Variants in MBNL2 observed in about 807,000 individuals in gnomAD.
MBNL2 encodes muscleblind-like protein 2.
A neutral mutation model predicts 41.9 loss-of-function variants in MBNL2; 17 were observed. That is an observed-to-expected ratio of 0.41 (90% CI 0.28 to 0.61). MBNL2 has a LOEUF of 0.61. MBNL2 is among the 20% of genes least tolerant of loss of function. MBNL2 has a pLI of 0.35. For synonymous variants in MBNL2, 195 were observed against 182.9 expected (o/e 1.07, Z -0.53); for missense variants, 336 against 505.6 (o/e 0.66, Z 3.22).
chr13:97,281,233 G>A (rs1421113227), intron 2 of MBNL2, among the ~76,000 whole-genome samples: 1 of 152,220 alleles, frequency 6.6e-6, no homozygotes, highest in Non-Finnish European at 1.5e-5. Context: ...TGCACTCTAG[G>A]GGTGCCTTTC....
intron 7 of MBNL2, among the ~76,000 whole-genome samples, chr13:97,364,360 T>G (rs966701908): frequency 1.3e-5 from 2 of 152,186 alleles, no homozygotes; most frequent in African/African-American, 4.8e-5. Flanking sequence ...GCCCCAACTC[T>G]GCACTATTTT....
intron 2 of MBNL2, among the ~76,000 whole-genome samples, chr13:97,281,196 G>T (rs909902146): frequency 1.3e-5 from 2 of 152,200 alleles, no homozygotes; most frequent in Non-Finnish European, 2.9e-5. Flanking sequence ...AGATAGGGCT[G>T]CTGGATTTGA....
At chr13:97,375,156 C>T (rs1280500998) in intron 8 of MBNL2, among the ~76,000 whole-genome samples, 3 of 152,174 alleles carry the variant, frequency 2.0e-5, no homozygotes, top group Admixed American at 2.0e-4. Flanking sequence ...TGCTGCCACA[C>T]GTCAAAGACA....
chr13:97,351,196 T>G (rs1217451650), intron 5 of MBNL2, among the ~76,000 whole-genome samples: 6 of 152,234 alleles, frequency 3.9e-5, no homozygotes, highest in Non-Finnish European at 2.9e-5. Context: ...TCTTTTTTTC[T>G]GAGCAGTAGG....
chr13:97,334,326 A>G lies in MBNL2; in HGVS notation c.225A>G (p.Leu75=), dbSNP rs372031328. 9.3e-6 allele frequency: 15 copies of G among 1,613,556 alleles called. No individual in the cohort carries two copies. In the African/African-American group the frequency reaches 2.0e-4, roughly 22 times the overall value. ...AGTATCTTCACCCTCCGACACACTT[A>G]AAAACTCAACTAGAAATTAATGGAA... ...NCKYLHPPTH[L]KTQLEINGRN... is the part of the protein sequence containing the mutation. The change falls in exon 3 of 9, where the codon TTA becomes TTG. Residue 75 remains leucine, a synonymous_variant. Coordinates refer to ENST00000679496, the MANE Select transcript of MBNL2 (RefSeq NM_001382683.1). This position sits in a 1 kb window ranked among gnomAD's most constrained non-coding sequence, Gnocchi z 5.3.
At chr13:97,354,907 C>T (rs1260267329) in intron 5 of MBNL2, among the ~76,000 whole-genome samples, 3 of 152,074 alleles carry the variant, frequency 2.0e-5, no homozygotes, top group Non-Finnish European at 2.9e-5. Context: ...TTTAACGATC[C>T]AGTTCATGTT....
chr13:97,151,760 G>A, the MBNL2 span, among the ~76,000 whole-genome samples: 2 of 152,162 alleles, frequency 1.3e-5, no homozygotes, highest in African/African-American at 2.4e-5. Flanking sequence ...TGATGCCCAT[G>A]TTTAAGCAGC....
chr13:97,314,931 G>C (rs569056447), intron 2 of MBNL2, among the ~76,000 whole-genome samples: 4 of 152,232 alleles, frequency 2.6e-5, no homozygotes, highest in Admixed American at 2.6e-4. Flanking sequence ...AGAATGATAT[G>C]AAATTCAGGG....
chr13:97,329,935 C>T (rs547016699), intron 2 of MBNL2, among the ~76,000 whole-genome samples: 1 of 152,292 alleles, frequency 6.6e-6, no homozygotes, highest in East Asian at 1.9e-4. Flanking sequence ...TCTCCTCTGA[C>T]CCCTGGTCTC....
At chr13:97,166,976 G>A in the MBNL2 span, among the ~76,000 whole-genome samples, 1 of 152,226 alleles carries the variant, frequency 6.6e-6, no homozygotes, top group African/African-American at 2.4e-5. Flanking sequence ...CCTGAAATTT[G>A]TACTACCCAG....
chr13:97,191,522 T>C, the MBNL2 span, among the ~76,000 whole-genome samples: 1 of 151,876 alleles, frequency 6.6e-6, no homozygotes, highest in African/African-American at 2.4e-5. Context: ...CCTGCGGCAG[T>C]TGTGTGAGGT....
chr13:97,147,426 A>G, the MBNL2 span, among the ~76,000 whole-genome samples: 2 of 152,278 alleles, frequency 1.3e-5, no homozygotes, highest in East Asian at 1.9e-4. Context: ...GTGTAAAGCA[A>G]TAGTCCACCA....
At chr13:97,238,864 G>GA (rs1336221374) in intron 1 of MBNL2, among the ~76,000 whole-genome samples, 2 of 152,092 alleles carry the variant, frequency 1.3e-5, no homozygotes, top group South Asian at 2.1e-4. Context: ...AGGCCACTGG[G>GA]AAAAAATGGT....
intron 8 of MBNL2, among the ~76,000 whole-genome samples, chr13:97,370,283 G>C (rs2064237283): frequency 6.6e-6 from 1 of 152,198 alleles, no homozygotes; most frequent in Non-Finnish European, 1.5e-5. Flanking sequence ...TGCCTTAGCA[G>C]CTCAAGCTAA....
chr13:97,193,472 G>A, the MBNL2 span, among the ~76,000 whole-genome samples: 2 of 152,190 alleles, frequency 1.3e-5, no homozygotes, highest in East Asian at 1.9e-4. Context: ...ACAATGTATG[G>A]GTTAAGAGCA....
intron 2 of MBNL2, among the ~76,000 whole-genome samples, chr13:97,322,855 A>C (rs1441584486): frequency 1.3e-5 from 2 of 152,278 alleles, no homozygotes; most frequent in Non-Finnish European, 2.9e-5. Flanking sequence ...GATATTCAAA[A>C]TATTTTACCA....
the MBNL2 span, among the ~76,000 whole-genome samples, chr13:97,144,872 G>A: frequency 1.3e-5 from 2 of 152,176 alleles, no homozygotes; most frequent in Non-Finnish European, 2.9e-5. Context: ...TAGAAGCAAA[G>A]TATTCGGAAG....
chr13:97,283,145 T>A (rs1409984804), intron 2 of MBNL2, among the ~76,000 whole-genome samples: 1 of 152,170 alleles, frequency 6.6e-6, no homozygotes, highest in East Asian at 1.9e-4. Context: ...CTTCCTACTT[T>A]CCCTCTAATG....
intron 8 of MBNL2, among the ~76,000 whole-genome samples, chr13:97,372,716 G>A (rs1486372087): frequency 6.6e-6 from 1 of 152,094 alleles, no homozygotes; most frequent in East Asian, 1.9e-4. Flanking sequence ...GTATTGAAGA[G>A]GGAAGAGAAA....
Sources: gnomAD v4.1 joint callset for allele counts (sites outside exome capture counted in the v4.1 genomes callset) on GRCh38, gnomAD v4.1.1 for gene constraint, Gnocchi (gnomAD v3.1) non-coding constraint, MANE v1.5 for transcripts, NCBI Gene and HGNC (gene_info 2026-07-23, HGNC 2026-07-21) for gene names.